The following EPM2A variants were observed in gnomAD, a reference collection of about 807,000 sequenced individuals.
EPM2A encodes EPM2A glucan phosphatase, laforin, also known as laforin.
In EPM2A, 21 loss-of-function variants were observed where a neutral mutation model predicts 26.5. That is an observed-to-expected ratio of 0.79 (90% CI 0.56 to 1.14). EPM2A has a LOEUF of 1.14. Ranked by LOEUF, EPM2A falls within the 50% of genes most tolerant of loss-of-function variation. The probability of loss-of-function intolerance (pLI) is 0.00; values close to 1 mark genes in which losing one functional copy is unlikely to be tolerated. For missense variants in EPM2A, 458 were observed against 440.8 expected, an observed-to-expected ratio of 1.04 and a Z score of -0.35; for synonymous variants, 217 against 177.6, an observed-to-expected ratio of 1.22 and a Z score of -1.76.
chr6:145,650,133 G>GAA, intron 2 of EPM2A, among the ~76,000 whole-genome samples: 1 of 152,192 alleles, frequency 6.6e-6, no homozygotes, highest in Non-Finnish European at 1.5e-5. Context: ...TGATGGGAAG[G>GAA]AACGGAAAGC....
intron 2 of EPM2A, among the ~76,000 whole-genome samples, chr6:145,541,317 C>CAT (rs1437485789): frequency 1.5e-5 from 2 of 137,542 alleles, no homozygotes; most frequent in African/African-American, 2.7e-5. Context: ...TGTGTATATA[C>CAT]ATATATATGT....
At chr6:145,664,440 A>G (rs1778991722) in intron 2 of EPM2A, among the ~76,000 whole-genome samples, 1 of 134,008 alleles carries the variant, frequency 7.5e-6, no homozygotes, top group Admixed American at 7.9e-5. Context: ...TGGTAAAGGG[A>G]TCAATTCAAC....
At chr6:145,496,115 G>A (rs1779816831) in intron 4 of EPM2A, among the ~76,000 whole-genome samples, 1 of 152,186 alleles carries the variant, frequency 6.6e-6, no homozygotes, top group African/African-American at 2.4e-5. Context: ...CTTTAAGAAT[G>A]TTGAATATTA....
chr6:145,609,441 G>A (rs1423092146), intron 2 of EPM2A, among the ~76,000 whole-genome samples: 1 of 152,174 alleles, frequency 6.6e-6, no homozygotes, highest in African/African-American at 2.4e-5. Context: ...GAAGGTACAT[G>A]GGAAGATCAT....
At chr6:145,454,886 T>G (rs902755745) in intron 4 of EPM2A, among the ~76,000 whole-genome samples, 2 of 152,022 alleles carry the variant, frequency 1.3e-5, no homozygotes, top group African/African-American at 4.8e-5. Flanking sequence ...TCCTTTGACC[T>G]CGGTGAAATT....
intron 1 of EPM2A, among the ~76,000 whole-genome samples, chr6:145,694,355 G>A (rs1455138996): frequency 3.9e-5 from 6 of 151,938 alleles, no homozygotes; most frequent in Non-Finnish European, 5.9e-5. Context: ...TCGGCACTTT[G>A]ATGTTCTCTT....
chr6:145,400,725 C>T (rs1026779845), intron 4 of EPM2A, among the ~76,000 whole-genome samples: 1 of 152,208 alleles, frequency 6.6e-6, no homozygotes, highest in African/African-American at 2.4e-5. Flanking sequence ...ATGTACATGA[C>T]TTTCTATGTA....
Position 145,590,452 on chromosome 6 carries a change from G to A in EPM2A, c.340+44793C>T, listed in dbSNP as rs80335817. ...GCAAAAACTGAAAAATAAAAAAAAA[G>A]AAAATTGTGCCATTCACAAGCCAAT... On this transcript the variant is annotated intron_variant, in intron 2 of 3. Transcript: ENST00000450221. Among the ~76,000 whole-genome samples the A allele has an allele frequency of 9.0e-3, 585 of 65,152 alleles. 5 individuals are homozygous for A. Among genetic ancestry groups the A allele is most frequent in the South Asian group, 0.025 (30 of 1,220 alleles). The allele number at this position is 65,152 out of a possible 152,430, so 42.7% of individuals were successfully genotyped here. A position where few individuals can be genotyped will look rare whatever the true frequency, so the allele number is the denominator to read the frequency against.
intron 4 of EPM2A, among the ~76,000 whole-genome samples, chr6:145,406,007 CACACACAA>C (rs1414961946): frequency 1.3e-5 from 2 of 150,780 alleles, no homozygotes; most frequent in Non-Finnish European, 3.0e-5. Flanking sequence ...CACACACACA[CACACACAA>C]CAGACAGACA....
chr6:145,702,297 T>C (rs1403884525), intron 1 of EPM2A, among the ~76,000 whole-genome samples: 3 of 152,188 alleles, frequency 2.0e-5, no homozygotes, highest in African/African-American at 7.2e-5. Flanking sequence ...CTGTCGAAAC[T>C]CTCCTTTGTA....
chr6:145,552,010 T>G (rs1222480453), intron 2 of EPM2A, among the ~76,000 whole-genome samples: 2 of 151,742 alleles, frequency 1.3e-5, no homozygotes, highest in Non-Finnish European at 2.9e-5. Flanking sequence ...AACTTGAGAC[T>G]AAATAACTGA....
At chr6:145,444,611 A>T (rs567743692) in intron 4 of EPM2A, among the ~76,000 whole-genome samples, 2 of 152,300 alleles carry the variant, frequency 1.3e-5, no homozygotes, top group South Asian at 4.1e-4. Flanking sequence ...TGAGTTGGGG[A>T]TGAGTCCCTC....
At chr6:145,663,308 C>T (rs909020039) in intron 2 of EPM2A, among the ~76,000 whole-genome samples, 4 of 152,152 alleles carry the variant, frequency 2.6e-5, no homozygotes, top group Admixed American at 1.3e-4. Context: ...GCGTGAGCGA[C>T]GCAGAAGACG....
chr6:145,704,267 T>A (rs531007701), intron 1 of EPM2A, among the ~76,000 whole-genome samples: 1 of 152,240 alleles, frequency 6.6e-6, no homozygotes, highest in East Asian at 1.9e-4. Context: ...AGGAGAAAGA[T>A]AAGGTTGGGA....
At chr6:145,713,123 T>C (rs1418488841) in intron 1 of EPM2A, among the ~76,000 whole-genome samples, 1 of 152,200 alleles carries the variant, frequency 6.6e-6, no homozygotes, top group African/African-American at 2.4e-5. Flanking sequence ...AACAGATGTG[T>C]TAGTACATCT....
chr6:145,394,577 C>T (rs144573791), intron 4 of EPM2A, among the ~76,000 whole-genome samples: 269 of 152,186 alleles, frequency 1.8e-3, no homozygotes, highest in African/African-American at 5.6e-3. Flanking sequence ...GTAACACACC[C>T]GTATTACCTG....
chr6:145,617,251 TCTC>T (rs1176814931), intron 2 of EPM2A, among the ~76,000 whole-genome samples: 1 of 152,152 alleles, frequency 6.6e-6, no homozygotes, highest in Non-Finnish European at 1.5e-5. Context: ...GTTTTCTTCT[TCTC>T]TTGTCTGCTA....
chr6:145,672,749 T>C (rs193077137), intron 2 of EPM2A, among the ~76,000 whole-genome samples: 5 of 152,280 alleles, frequency 3.3e-5, no homozygotes, highest in East Asian at 1.9e-4. Context: ...ATTATGTACA[T>C]TGGAAGCAGA....
At chr6:145,677,493 G>T (rs565241305) in intron 2 of EPM2A, among the ~76,000 whole-genome samples, 1 of 152,262 alleles carries the variant, frequency 6.6e-6, no homozygotes, top group African/African-American at 2.4e-5. Context: ...AAGTCAAATT[G>T]TCCCTGTTTG....
Sources: gnomAD v4.1 joint callset for allele counts (sites outside exome capture counted in the v4.1 genomes callset) on GRCh38, gnomAD v4.1.1 for gene constraint, MANE v1.5 for transcripts, NCBI Gene and HGNC (gene_info 2026-07-23, HGNC 2026-07-21) for gene names.